Variants in HDAC9 observed in about 807,000 individuals in gnomAD.
The protein encoded by HDAC9 is histone deacetylase 9.
A neutral mutation model predicts 139.4 loss-of-function variants in HDAC9; 41 were observed. That is an observed-to-expected ratio of 0.29 (90% confidence interval 0.23 to 0.38). The LOEUF (loss-of-function observed/expected upper bound fraction) is 0.38, where lower values mean the gene tolerates loss of function less well. Ranked by LOEUF, HDAC9 falls within the 10% of genes least tolerant of loss-of-function variation. The pLI, the probability that HDAC9 is intolerant of heterozygous loss-of-function variation, is 1.00. For missense variants in HDAC9, 1,147 were observed against 1,297.0 expected (o/e 0.88, Z 1.78); for synonymous variants, 517 against 476.2 (o/e 1.09, Z -1.12).
At chr7:18,753,749 C>T (rs1357083131) in intron 14 of HDAC9, among the ~76,000 whole-genome samples, 1 of 152,034 alleles carries the variant, frequency 6.6e-6, no homozygotes, top group Admixed American at 6.6e-5. Flanking sequence ...TTAGATTCGA[C>T]CTTAGTTTTG....
chr7:18,647,147 C>T (rs927073736), intron 9 of HDAC9, among the ~76,000 whole-genome samples: 1 of 152,032 alleles, frequency 6.6e-6, no homozygotes, highest in African/African-American at 2.4e-5. Flanking sequence ...TTCTTAATCC[C>T]CATGATATAG....
intron 23 of HDAC9, among the ~76,000 whole-genome samples, chr7:18,948,499 C>A (rs1782562072): frequency 6.6e-6 from 1 of 151,962 alleles, no homozygotes; most frequent in Admixed American, 6.6e-5. Context: ...TTTATGTAAC[C>A]AGTTATCGTT....
At chr7:18,341,322 T>A (rs1781992201) in intron 1 of HDAC9, among the ~76,000 whole-genome samples, 1 of 151,670 alleles carries the variant, frequency 6.6e-6, no homozygotes, top group Non-Finnish European at 1.5e-5. Context: ...GAAAATTTTT[T>A]TGCCAGTATT....
intron 17 of HDAC9, among the ~76,000 whole-genome samples, chr7:18,816,441 A>T (rs972315928): frequency 3.9e-5 from 6 of 152,232 alleles, no homozygotes; most frequent in African/African-American, 1.4e-4. Context: ...GTATAGGCAT[A>T]TTGAATAAAT....
chr7:18,996,081 G>T lies in HDAC9; in HGVS notation c.*19G>T. On this transcript the variant is annotated 3_prime_UTR_variant, in exon 26 of 26. Coordinates refer to ENST00000686413, the MANE Select transcript of HDAC9 (RefSeq NM_178425.4). The stretch of plus-strand genomic sequence containing the variant: ...CTTGTGAAGTGCCAAGTCCCCCTCT[G>T]ATATTTCCTGTGTGTGACATCATTG... 2 of 1,588,250 alleles carry T rather than the reference G, an allele frequency of 1.3e-6. No homozygotes were observed. The highest frequency in any genetic ancestry group is 1.1e-5 in the South Asian group (1 of 88,102).
chr7:18,284,868 G>C (rs1797334961), intron 2 of HDAC9, among the ~76,000 whole-genome samples: 1 of 152,132 alleles, frequency 6.6e-6, no homozygotes, highest in African/African-American at 2.4e-5. Context: ...CTATAAGTCA[G>C]ACATGATTTT....
chr7:18,369,083 C>T (rs977607394), intron 1 of HDAC9, among the ~76,000 whole-genome samples: 23 of 152,110 alleles, frequency 1.5e-4, no homozygotes, highest in African/African-American at 5.1e-4. Context: ...TTTCCTTTTG[C>T]TCTACTTCAG....
chr7:18,883,033 GACAATTGAA>G (rs1274556675), intron 22 of HDAC9, among the ~76,000 whole-genome samples: 1 of 152,038 alleles, frequency 6.6e-6, no homozygotes, highest in African/African-American at 2.4e-5. Flanking sequence ...TAAATCCAGA[GACAATTGAA>G]AAAGTGGTAA....
intron 16 of HDAC9, among the ~76,000 whole-genome samples, chr7:18,787,582 C>G (rs558497392): frequency 6.6e-6 from 1 of 152,248 alleles, no homozygotes; most frequent in South Asian, 2.1e-4. Flanking sequence ...GTACATAAAG[C>G]AAGGCTTGGT....
chr7:18,989,846 C>G lies in HDAC9; in HGVS notation c.3171-6177C>G, dbSNP rs374808676. ...TACCCTTTCTTCCAGTTGATCGCAT[C>G]GGCTCCTGAGGCTTCTGCATTCTTC... On this transcript the variant is annotated intron_variant, in intron 25 of 25. Coordinates refer to ENST00000686413, the MANE Select transcript of HDAC9 (RefSeq NM_178425.4). Among the ~76,000 whole-genome samples, 6 of 145,630 alleles carry G rather than the reference C, an allele frequency of 4.1e-5. No homozygotes were observed. In the South Asian group the frequency reaches 9.2e-4, roughly 22 times the overall value.
chr7:18,817,324 G>A (rs891619326), intron 17 of HDAC9, among the ~76,000 whole-genome samples: 3 of 151,978 alleles, frequency 2.0e-5, no homozygotes, highest in Non-Finnish European at 2.9e-5. Context: ...GTGAGCCACC[G>A]CGCCCGGCCG....
chr7:18,859,811 CATATATATATATATAT>C (rs56249427), intron 21 of HDAC9, among the ~76,000 whole-genome samples: 4,782 of 44,870 alleles, frequency 0.11, 262 homozygotes, highest in Middle Eastern at 0.28. Context: ...CTAACGCTCT[CATATATATATATATAT>C]ATATATATAT....
In HDAC9 at chr7:18,923,321, T is replaced by C. The variant is rs565924090; in HGVS notation, c.2804-12488T>C. The stretch of plus-strand genomic sequence containing the variant: ...CTGCGTATCCCTAGTGTATTCCAGC[T>C]TGACTCCCAGTCTAATGCATCTGCG... On this transcript the variant is annotated intron_variant, in intron 22 of 25. Coordinates refer to ENST00000686413, the MANE Select transcript of HDAC9 (RefSeq NM_178425.4). 1.2e-4 allele frequency among the ~76,000 whole-genome samples: 19 copies of C among 152,262 alleles called. No individual in the cohort carries two copies. The South Asian group carries it at 2.9e-3, about 23-fold the overall frequency.
At chr7:18,835,214 C>T (rs972152804) in intron 19 of HDAC9, among the ~76,000 whole-genome samples, 1 of 152,038 alleles carries the variant, frequency 6.6e-6, no homozygotes, top group Non-Finnish European at 1.5e-5. Flanking sequence ...AGGGCATGCT[C>T]GCTGTGGTTT....
chr7:18,749,197 G>A (rs998042765), intron 14 of HDAC9, 59 bp downstream of exon 14: 13 of 1,545,242 alleles, frequency 8.4e-6, no homozygotes, highest in Non-Finnish European at 1.2e-5. Context: ...AAAGAGGCCA[G>A]TATTCATTTG....
intron 22 of HDAC9, 145 bp downstream of exon 22, chr7:18,874,741 C>T (rs780998136): frequency 1.5e-4 from 89 of 583,720 alleles, no homozygotes; most frequent in Middle Eastern, 4.5e-4. Flanking sequence ...ATTGCTCTGT[C>T]GGATTCATGT....
chr7:18,612,859 A>G (rs1405286602), intron 6 of HDAC9, among the ~76,000 whole-genome samples: 1 of 151,992 alleles, frequency 6.6e-6, no homozygotes, highest in East Asian at 1.9e-4. Context: ...AGAGGAGAAT[A>G]TGAAAGACAA....
intron 1 of HDAC9, among the ~76,000 whole-genome samples, chr7:18,153,367 C>T (rs571730003): frequency 6.6e-6 from 1 of 152,180 alleles, no homozygotes; most frequent in African/African-American, 2.4e-5. Context: ...CAAATACCCT[C>T]TAGAGGTTTC....
rs1366151581 is a variant in HDAC9 at position 18,629,381 on chromosome 7, G to A, written c.696G>A (p.Arg232=). ...AGCCCAACTTGAAGGTGCGGTCCAG[G>A]TTAAAACAGAAAGTGGCAGAGAGGA... is the stretch of plus-strand genomic sequence containing the variant. ...ASEPNLKVRS[R]LKQKVAERRS... is the part of the protein sequence containing the mutation. The change falls in exon 7 of 26, where the codon AGG becomes AGA. Residue 232 remains arginine (R), a synonymous_variant. Transcript: ENST00000686413. The A allele has an allele frequency of 2.5e-6, 4 of 1,607,970 alleles. No homozygotes were observed. The highest frequency in any genetic ancestry group is 3.4e-6 in the Non-Finnish European group (4 of 1,177,618).
Sources: gnomAD v4.1 joint callset for allele counts (sites outside exome capture counted in the v4.1 genomes callset) on GRCh38, gnomAD v4.1.1 for gene constraint, MANE v1.5 for transcripts, NCBI Gene and HGNC (gene_info 2026-07-23, HGNC 2026-07-21) for gene names.